Variants in CYP4X1 observed in about 807,000 individuals in gnomAD.
CYP4X1 encodes the protein cytochrome P450 family 4 subfamily X member 1, also known as cytochrome P450 4X1.
A neutral mutation model predicts 57.9 loss-of-function variants in CYP4X1; 44 were observed. The ratio of observed to expected loss-of-function variants is 0.76; its 90% CI spans 0.60 to 0.98. The LOEUF is 0.98. Ranked by LOEUF, CYP4X1 falls within the 50% of genes least tolerant of loss-of-function variation. The probability of loss-of-function intolerance (pLI) is 0.00; values close to 1 mark genes in which losing one functional copy is unlikely to be tolerated. For missense variants in CYP4X1, 532 were observed against 623.9 expected (o/e 0.85, Z 1.57); for synonymous variants, 227 against 228.6 (o/e 0.99, Z 0.06).
At chr1:47,054,879 A>C (rs1267076232), downstream of CYP4X1, among the ~76,000 whole-genome samples, 1 of 152,160 alleles carries the variant, frequency 6.6e-6, no homozygotes, top group Non-Finnish European at 1.5e-5. Context: ...GGACAATTTG[A>C]CTTCCTCTTT....
At position 47,023,802 on chromosome 1, in the gene CYP4X1, G is replaced by A. The variant is rs776060879; in HGVS notation, c.-16G>A. ...GCGCCCCAGGAAACCGCCGGCGTTC[G>A]GCGCTGCGCAGAGCCATGGAATTCT... On this transcript the variant is annotated 5_prime_UTR_variant, in exon 1 of 12. Transcript: ENST00000371901. 1.2e-6 allele frequency: 2 copies of A among 1,602,404 alleles called. No individual in the cohort carries two copies. The highest frequency in any genetic ancestry group is 1.7e-6 in the Non-Finnish European group (2 of 1,173,000).
chr1:47,008,226 C>T, the CYP4X1 span, among the ~76,000 whole-genome samples: 2,610 of 152,286 alleles, frequency 0.017, 26 homozygotes, highest in Middle Eastern at 0.054. Flanking sequence ...GCTGATCTCT[C>T]GGCACAAACT....
the CYP4X1 span, among the ~76,000 whole-genome samples, chr1:46,981,356 A>T: frequency 6.6e-6 from 1 of 152,250 alleles, no homozygotes; most frequent in Non-Finnish European, 1.5e-5. Flanking sequence ...GAAGACATTT[A>T]TGCAGCCAAA....
At chr1:47,054,661 A>G (rs1486772473), downstream of CYP4X1, among the ~76,000 whole-genome samples, 1 of 151,982 alleles carries the variant, frequency 6.6e-6, no homozygotes, top group African/African-American at 2.4e-5. Flanking sequence ...ATTCCTAGGT[A>G]TTTTATTCTC....
chr1:47,044,214 G>A (rs1416705361), intron 8 of CYP4X1, among the ~76,000 whole-genome samples: 1 of 151,964 alleles, frequency 6.6e-6, no homozygotes, highest in Non-Finnish European at 1.5e-5. Flanking sequence ...CTTTTCTCTA[G>A]TGGTGTACTT....
chr1:47,008,102 A>G, the CYP4X1 span, among the ~76,000 whole-genome samples: 1 of 152,260 alleles, frequency 6.6e-6, no homozygotes, highest in Admixed American at 6.5e-5. Context: ...GAGAAGAGCA[A>G]CTCCAAGACA....
intron 1 of CYP4X1, 108 bp downstream of exon 1, chr1:47,024,102 T>G: frequency 1.5e-6 from 2 of 1,375,876 alleles, no homozygotes; most frequent in Non-Finnish European, 2.0e-6. Context: ...CTGGGGACCC[T>G]CCGGCTTGCA....
the CYP4X1 span, among the ~76,000 whole-genome samples, chr1:46,979,755 A>G: frequency 6.6e-6 from 1 of 152,228 alleles, no homozygotes; most frequent in Non-Finnish European, 1.5e-5. Context: ...CGAATCCAGC[A>G]GCACATCAAA....
chr1:47,041,306 T>A (rs1397036722), intron 8 of CYP4X1, among the ~76,000 whole-genome samples: 2 of 152,110 alleles, frequency 1.3e-5, no homozygotes, highest in South Asian at 2.1e-4. Context: ...TGGTTGTATA[T>A]CCAGAAGTGG....
the CYP4X1 span, among the ~76,000 whole-genome samples, chr1:46,988,516 C>T: frequency 3.3e-5 from 5 of 152,260 alleles, 1 homozygote; most frequent in East Asian, 9.6e-4. Flanking sequence ...AAGAGAGACT[C>T]CTTGCTAAGT....
At chr1:47,018,564 C>T in the CYP4X1 span, among the ~76,000 whole-genome samples, 2 of 151,992 alleles carry the variant, frequency 1.3e-5, no homozygotes, top group Admixed American at 1.3e-4. Flanking sequence ...TATGGGGCAC[C>T]GAATGCAGCG....
chr1:46,991,106 A>C, the CYP4X1 span, among the ~76,000 whole-genome samples: 1 of 151,414 alleles, frequency 6.6e-6, no homozygotes, highest in Non-Finnish European at 1.5e-5. Flanking sequence ...CTCAATCAGC[A>C]CTGGATTCAC....
At chr1:46,961,831 T>C in the CYP4X1 span, 1 of 1,221,770 alleles carries the variant, frequency 8.2e-7, no homozygotes, top group South Asian at 1.3e-5. Flanking sequence ...CCTGCCCTAC[T>C]TAGTTGGTTA....
chr1:46,970,426 C>G, the CYP4X1 span, among the ~76,000 whole-genome samples: 1 of 152,176 alleles, frequency 6.6e-6, no homozygotes, highest in African/African-American at 2.4e-5. Context: ...AAGGACAAAA[C>G]TGAAGATGCC....
At chr1:47,039,264 C>A (rs2292060) in intron 7 of CYP4X1, 78 bp from the exon 8 acceptor site, 107,157 of 1,324,294 alleles carry the variant, frequency 0.081, 4,940 homozygotes, top group East Asian at 0.21. Flanking sequence ...TTTTTCCCCT[C>A]AAATCATTAT....
intron 8 of CYP4X1, among the ~76,000 whole-genome samples, chr1:47,041,107 A>G (rs1462932381): frequency 6.6e-6 from 1 of 152,206 alleles, no homozygotes; most frequent in Non-Finnish European, 1.5e-5. Context: ...CTGTTGTCAT[A>G]AATGACAAGA....
the CYP4X1 span, among the ~76,000 whole-genome samples, chr1:47,005,468 T>A: frequency 1.3e-5 from 2 of 152,178 alleles, no homozygotes; most frequent in African/African-American, 4.8e-5. Context: ...GGATTATCTA[T>A]TGGGGCAAAG....
At chr1:46,980,426 T>G in the CYP4X1 span, among the ~76,000 whole-genome samples, 27 of 152,300 alleles carry the variant, frequency 1.8e-4, no homozygotes, top group African/African-American at 6.0e-4. Context: ...ACAAGGGATG[T>G]GAAGGACCTC....
At chr1:47,004,456 C>A in the CYP4X1 span, among the ~76,000 whole-genome samples, 2 of 152,166 alleles carry the variant, frequency 1.3e-5, no homozygotes, top group Non-Finnish European at 2.9e-5. Context: ...CTTTTCCTTT[C>A]CAACTCAGGA....
Sources: gnomAD v4.1 joint callset for allele counts (sites outside exome capture counted in the v4.1 genomes callset) on GRCh38, gnomAD v4.1.1 for gene constraint, MANE v1.5 for transcripts, NCBI Gene and HGNC (gene_info 2026-07-23, HGNC 2026-07-21) for gene names.